The following RAB3IP variants were observed in gnomAD, a reference collection of about 807,000 sequenced individuals.
RAB3IP encodes RAB3A interacting protein.
Under a neutral mutation model 59.1 loss-of-function variants are expected in RAB3IP, and 36 were observed. That is an observed-to-expected ratio of 0.61 (90% confidence interval 0.47 to 0.80). The LOEUF (loss-of-function observed/expected upper bound fraction) is 0.80. Ranked by LOEUF, RAB3IP falls within the 30% of genes least tolerant of loss-of-function variation. The pLI is 0.00. For missense variants in RAB3IP, 511 were observed against 536.0 expected, an observed-to-expected ratio of 0.95 and a Z score of 0.46; for synonymous variants, 207 against 191.2, an observed-to-expected ratio of 1.08 and a Z score of -0.68.
intron 3 of RAB3IP, among the ~76,000 whole-genome samples, chr12:69,780,303 G>A (rs1367954465): frequency 6.6e-6 from 1 of 152,192 alleles, no homozygotes; most frequent in East Asian, 1.9e-4. Flanking sequence ...GCTGTAGGAT[G>A]GAGGCTGGTG....
intron 4 of RAB3IP, among the ~76,000 whole-genome samples, chr12:69,788,120 T>C (rs1442765379): frequency 6.6e-6 from 1 of 152,114 alleles, no homozygotes; most frequent in African/African-American, 2.4e-5. Flanking sequence ...AGGTCTGGTC[T>C]AAGTTCCATT....
chr12:69,815,482 A>C lies in RAB3IP; in HGVS notation c.*36A>C. The C allele has an allele frequency of 1.4e-6, 2 of 1,381,914 alleles. No individual in the cohort carries two copies. The highest frequency in any genetic ancestry group is 1.2e-5 in the South Asian group (1 of 83,366). The allele number at this position is 1,381,914 out of a possible 1,614,324, so 85.6% of individuals were successfully genotyped here. A position where few individuals can be genotyped will look rare whatever the true frequency, so the allele number is the denominator to read the frequency against. ...GGGACCATGCCTGAACTCCCCGAAT[A>C]ACTGAAAAATGGCTGAATATTTTTA... is the stretch of plus-strand genomic sequence containing the variant. On this transcript the variant is annotated 3_prime_UTR_variant, in exon 11 of 11. Coordinates refer to ENST00000247833, the MANE Select transcript of RAB3IP (RefSeq NM_022456.5).
At position 69,813,030 on chromosome 12, in the gene RAB3IP, G is replaced by A. The variant is rs1397347890; in HGVS notation, c.1297G>A (p.Asp433Asn). ...TCAGCAGGGACTCGTGAAACAGCAG[G>A]ATGGTGAGTGTTCTTGATTCAATAT... Reference protein sequence around the residue: ...YIQQGLVKQQDVDQMFWEVMQ... With the variant: ...YIQQGLVKQQNVDQMFWEVMQ... The change falls in exon 10 of 11, where the codon GAT becomes AAT. Residue 433 changes from aspartate to asparagine, a missense_variant. Coordinates refer to ENST00000247833, the MANE Select transcript of RAB3IP (RefSeq NM_022456.5). 2.5e-6 allele frequency: 4 copies of A among 1,608,718 alleles called. No homozygotes were observed. The Admixed American group carries it at 5.0e-5, about 20-fold the overall frequency.
chr12:69,779,474 A>C (rs1303685076), intron 3 of RAB3IP, among the ~76,000 whole-genome samples: 1 of 151,350 alleles, frequency 6.6e-6, no homozygotes, highest in East Asian at 1.9e-4. Context: ...CTTGAACTCC[A>C]ATTACTCGAA....
In RAB3IP at chr12:69,817,081, T is replaced by G. The variant is rs749304801; in HGVS notation, c.*1635T>G. The G allele has an allele frequency of 6.6e-6, 1 of 152,182 alleles. No homozygotes were observed. Among genetic ancestry groups the G allele is most frequent in the Admixed American group, 6.5e-5 (1 of 15,274 alleles). 9.4% of individuals were successfully genotyped at this position (152,182 alleles called of 1,614,324 possible). A position where few individuals can be genotyped will look rare whatever the true frequency, so the allele number is the denominator to read the frequency against. Reference sequence around the variant, plus strand: ...TTTTCCGTACAAACTAAAATCACTTTTGGAGAAAGTACCTAAATAAAAAGA... The same window carrying G: ...TTTTCCGTACAAACTAAAATCACTTGTGGAGAAAGTACCTAAATAAAAAGA... On this transcript the variant is annotated 3_prime_UTR_variant, in exon 11 of 11. Coordinates refer to ENST00000247833, the MANE Select transcript of RAB3IP (RefSeq NM_022456.5).
chr12:69,809,554 G>C (rs1223961327), intron 8 of RAB3IP, among the ~76,000 whole-genome samples: 2 of 152,064 alleles, frequency 1.3e-5, no homozygotes, highest in African/African-American at 2.4e-5. Flanking sequence ...ACGTAAATTT[G>C]GTCTTTTCAC....
intron 3 of RAB3IP, among the ~76,000 whole-genome samples, chr12:69,784,363 TTAC>T (rs1170532233): frequency 6.6e-6 from 1 of 151,592 alleles, no homozygotes; most frequent in Non-Finnish European, 1.5e-5. Flanking sequence ...ATTAAATTCC[TTAC>T]TTGATGGAAA....
rs1264076179 is a variant in RAB3IP, at chr12:69,820,552, A to AG, written c.*5107dup. 3 of 114,420 alleles carry AG rather than the reference A, an allele frequency of 2.6e-5. No homozygotes were observed. The highest frequency in any genetic ancestry group is 8.9e-5 in the Admixed American group (1 of 11,180). 7.1% of individuals were successfully genotyped at this position (114,420 alleles called of 1,614,324 possible). ...CTTTGAGTGGCTTCCCATTGCACTTAGAAAAAAAAAAAAAAAAAAAAACTG... is the reference window on the plus strand; with the variant it reads ...CTTTGAGTGGCTTCCCATTGCACTTAGGAAAAAAAAAAAAAAAAAAAAACTG... On this transcript the variant is annotated 3_prime_UTR_variant, in exon 11 of 11. Coordinates refer to ENST00000247833, the MANE Select transcript of RAB3IP (RefSeq NM_022456.5).
chr12:69,772,263 T>G (rs904992173), intron 3 of RAB3IP, among the ~76,000 whole-genome samples: 1 of 152,202 alleles, frequency 6.6e-6, no homozygotes, highest in Non-Finnish European at 1.5e-5. Flanking sequence ...TCAATTTGCA[T>G]TGAATGTTTT....
chr12:69,786,015 C>T (rs910386398), intron 4 of RAB3IP, among the ~76,000 whole-genome samples: 2 of 152,150 alleles, frequency 1.3e-5, no homozygotes, highest in East Asian at 3.9e-4. Flanking sequence ...TATCATTTAA[C>T]GATATATATA....
intron 1 of RAB3IP, among the ~76,000 whole-genome samples, chr12:69,744,057 A>G (rs142860830): frequency 3.4e-4 from 52 of 152,188 alleles, no homozygotes; most frequent in African/African-American, 1.2e-3. Flanking sequence ...ACATAGGTAT[A>G]CACGTGCCAT....
At chr12:69,751,451 C>T (rs1869276601) in intron 1 of RAB3IP, among the ~76,000 whole-genome samples, 1 of 152,096 alleles carries the variant, frequency 6.6e-6, no homozygotes, top group Non-Finnish European at 1.5e-5. Flanking sequence ...CTGAGTTGGT[C>T]AGCGTTGCTA....
At chr12:69,760,702 T>TG (rs551048781) in intron 3 of RAB3IP, among the ~76,000 whole-genome samples, 1 of 152,334 alleles carries the variant, frequency 6.6e-6, no homozygotes, top group African/African-American at 2.4e-5. Context: ...TTTTTTTTTT[T>TG]TTGTTACTGT....
intron 3 of RAB3IP, among the ~76,000 whole-genome samples, chr12:69,770,293 C>G (rs577529103): frequency 3.3e-5 from 5 of 152,132 alleles, no homozygotes; most frequent in Admixed American, 6.5e-5. Flanking sequence ...AATCCGCCCC[C>G]CCACCCTGCC....
intron 4 of RAB3IP, chr12:69,785,060 G>C (rs1875401961): frequency 8.0e-6 from 2 of 250,726 alleles, no homozygotes; most frequent in Non-Finnish European, 1.5e-5. Flanking sequence ...AAAGAAAGGA[G>C]GCAAATTTTA....
At chr12:69,810,061 T>G (rs1226445352) in intron 8 of RAB3IP, among the ~76,000 whole-genome samples, 2 of 152,226 alleles carry the variant, frequency 1.3e-5, no homozygotes, top group Non-Finnish European at 2.9e-5. Context: ...GATGGTGACG[T>G]ACAGATGGGT....
intron 8 of RAB3IP, among the ~76,000 whole-genome samples, chr12:69,805,872 T>A (rs1351623823): frequency 1.3e-5 from 2 of 152,180 alleles, no homozygotes; most frequent in Non-Finnish European, 2.9e-5. Flanking sequence ...GGATAAGCTT[T>A]TTGATGTGTT....
At chr12:69,749,110 T>C (rs923562397) in intron 1 of RAB3IP, among the ~76,000 whole-genome samples, 1 of 152,228 alleles carries the variant, frequency 6.6e-6, no homozygotes, top group Non-Finnish European at 1.5e-5. Flanking sequence ...TAAAGTGGTC[T>C]GTGGCCTGTT....
chr12:69,800,376 G>T, intron 7 of RAB3IP, 39 bp downstream of exon 7: 1 of 1,272,820 alleles, frequency 7.9e-7, no homozygotes, highest in East Asian at 2.5e-5. Flanking sequence ...CATTATAGTT[G>T]TTTCTGTACT....
Sources: allele counts gnomAD v4.1 joint callset (sites outside exome capture counted in the v4.1 genomes callset), GRCh38; gene constraint gnomAD v4.1.1; transcripts MANE v1.5; gene names NCBI Gene and HGNC (gene_info 2026-07-23, HGNC 2026-07-21).